IGSF21: variants seen among roughly 807,000 people sequenced by gnomAD.
IGSF21 encodes immunoglobulin superfamily member 21.
A neutral mutation model predicts 46.8 loss-of-function variants in IGSF21; 28 were observed. The ratio of observed to expected loss-of-function variants is 0.60; its 90% CI spans 0.44 to 0.82. The LOEUF (loss-of-function observed/expected upper bound fraction) is 0.82. Ranked by LOEUF, IGSF21 falls within the 40% of genes least tolerant of loss-of-function variation. The pLI is 0.00. For missense variants in IGSF21, 624 were observed against 665.5 expected (o/e 0.94, Z 0.69); for synonymous variants, 284 against 273.6 (o/e 1.04, Z -0.38).
chr1:18,320,068 G>A (rs973689892), intron 3 of IGSF21, among the ~76,000 whole-genome samples: 16 of 152,170 alleles, frequency 1.1e-4, no homozygotes, highest in African/African-American at 3.6e-4. Context: ...TCAGAGCTGG[G>A]TACTGTGCTC....
At chr1:18,262,329 G>A (rs1327638403) in intron 2 of IGSF21, among the ~76,000 whole-genome samples, 5 of 152,206 alleles carry the variant, frequency 3.3e-5, no homozygotes, top group East Asian at 1.9e-4. Context: ...GAGTGCAGTG[G>A]ATGGCAGCAA....
intron 4 of IGSF21, among the ~76,000 whole-genome samples, chr1:18,341,057 C>T (rs796355414): frequency 0.028 from 1,230 of 44,000 alleles, 5 homozygotes; most frequent in Non-Finnish European, 0.045. Flanking sequence ...CTTCCTCTTC[C>T]TCTTCTTCTT....
At chr1:18,178,625 T>A (rs147603026) in intron 1 of IGSF21, among the ~76,000 whole-genome samples, 13 of 152,334 alleles carry the variant, frequency 8.5e-5, no homozygotes, top group Non-Finnish European at 1.6e-4. Flanking sequence ...GAGCATAGAT[T>A]GTTCAGTTAA....
intron 2 of IGSF21, among the ~76,000 whole-genome samples, chr1:18,255,462 G>A (rs1431902252): frequency 6.6e-6 from 1 of 152,048 alleles, no homozygotes; most frequent in East Asian, 1.9e-4. Context: ...CAAAATAAAG[G>A]CTCAAATCCC....
At chr1:18,135,207 A>G (rs2086357895) in intron 1 of IGSF21, among the ~76,000 whole-genome samples, 1 of 152,246 alleles carries the variant, frequency 6.6e-6, no homozygotes, top group Admixed American at 6.5e-5. Flanking sequence ...ATTGCTATAA[A>G]GAAACACCTG....
intron 1 of IGSF21, among the ~76,000 whole-genome samples, chr1:18,164,026 C>T (rs1345073412): frequency 6.6e-6 from 1 of 152,116 alleles, no homozygotes; most frequent in Non-Finnish European, 1.5e-5. Context: ...GTAGAGAATC[C>T]ACCAATGGGA....
chr1:18,246,462 A>G (rs2084784612), intron 2 of IGSF21, among the ~76,000 whole-genome samples: 1 of 152,068 alleles, frequency 6.6e-6, no homozygotes, highest in Non-Finnish European at 1.5e-5. Context: ...TTAATTATGC[A>G]TGTGGAGCTT....
At chr1:18,284,200 C>A (rs1444705033) in intron 2 of IGSF21, among the ~76,000 whole-genome samples, 1 of 152,184 alleles carries the variant, frequency 6.6e-6, no homozygotes, top group Non-Finnish European at 1.5e-5. Context: ...TGGTCTAGTG[C>A]CATCTTTGTG....
intron 2 of IGSF21, among the ~76,000 whole-genome samples, chr1:18,269,736 G>A (rs1049549442): frequency 6.6e-6 from 1 of 152,158 alleles, no homozygotes; most frequent in African/African-American, 2.4e-5. Flanking sequence ...GCAGCAAGGT[G>A]AGCCCTTTCT....
At chr1:18,264,123 G>A (rs2084970097) in intron 2 of IGSF21, among the ~76,000 whole-genome samples, 1 of 152,146 alleles carries the variant, frequency 6.6e-6, no homozygotes, top group South Asian at 2.1e-4. Flanking sequence ...TTTAAATAAA[G>A]TGATTGTTTT....
chr1:18,255,166 G>A (rs560008046), intron 2 of IGSF21, among the ~76,000 whole-genome samples: 1 of 152,276 alleles, frequency 6.6e-6, no homozygotes, highest in South Asian at 2.1e-4. Context: ...CCCAGCACCT[G>A]GATTACAGAG....
chr1:18,286,185 G>A (rs1229273498), intron 2 of IGSF21, among the ~76,000 whole-genome samples: 1 of 152,222 alleles, frequency 6.6e-6, no homozygotes, highest in Non-Finnish European at 1.5e-5. Context: ...CATCCATGCT[G>A]AGCGGTCAGC....
chr1:18,259,887 G>A (rs1007990972), intron 2 of IGSF21, among the ~76,000 whole-genome samples: 1 of 152,152 alleles, frequency 6.6e-6, no homozygotes, highest in African/African-American at 2.4e-5. Context: ...GGGCAGTAGG[G>A]GCACAACGGT....
At chr1:18,353,730 G>C (rs998237199) in intron 4 of IGSF21, among the ~76,000 whole-genome samples, 1 of 152,202 alleles carries the variant, frequency 6.6e-6, no homozygotes. Context: ...ACATGCAAAG[G>C]CCCTGTGGCT....
chr1:18,319,035 T>C (rs1053192955), intron 3 of IGSF21, among the ~76,000 whole-genome samples: 1 of 152,206 alleles, frequency 6.6e-6, no homozygotes, highest in African/African-American at 2.4e-5. Flanking sequence ...TTTGGCTCCA[T>C]GCAACAAAAA....
chr1:18,363,171 T>TC (rs1304635574), intron 5 of IGSF21, among the ~76,000 whole-genome samples: 2 of 152,212 alleles, frequency 1.3e-5, no homozygotes, highest in Non-Finnish European at 2.9e-5. Flanking sequence ...ACGTACCCTT[T>TC]CAATTTTGAC....
intron 1 of IGSF21, chr1:18,114,559 A>G (rs980123245): frequency 2.0e-5 from 3 of 152,244 alleles, no homozygotes; most frequent in Non-Finnish European, 2.9e-5. Flanking sequence ...TCCTGGAACT[A>G]CATTCTTTCT....
intron 1 of IGSF21, among the ~76,000 whole-genome samples, chr1:18,225,897 C>A (rs1021626425): frequency 2.0e-5 from 3 of 152,200 alleles, no homozygotes; most frequent in African/African-American, 7.2e-5. Context: ...GGTTTGAATT[C>A]CAGCTCTGTA....
chr1:18,161,960 A>G (rs1467873041), intron 1 of IGSF21, among the ~76,000 whole-genome samples: 2 of 152,238 alleles, frequency 1.3e-5, no homozygotes, highest in African/African-American at 4.8e-5. Context: ...TACCCTTCCT[A>G]TAGAGCAAAC....
Sources: allele counts gnomAD v4.1 joint callset (sites outside exome capture counted in the v4.1 genomes callset), GRCh38; gene constraint gnomAD v4.1.1; transcripts MANE v1.5; gene names NCBI Gene and HGNC (gene_info 2026-07-23, HGNC 2026-07-21).